The following BABAM2 variants were observed in gnomAD, a reference collection of about 807,000 sequenced individuals.
BABAM2 encodes BRISC and BRCA1-A complex member 2.
BABAM2 carries 31 observed loss-of-function variants against 54.7 expected under a neutral mutation model. The observed-to-expected ratio is 0.57, with a 90% CI of 0.43 to 0.77. The LOEUF is 0.77. Ranked by LOEUF, BABAM2 falls within the 30% of genes least tolerant of loss-of-function variation. The pLI, the probability that BABAM2 is intolerant of heterozygous loss-of-function variation, is 0.00. For missense variants in BABAM2, 364 were observed against 455.8 expected (o/e 0.80, Z 1.83); for synonymous variants, 167 against 162.9 (o/e 1.03, Z -0.19).
rs1421490539 is a variant in BABAM2 at position 28,139,985 on chromosome 2, A to AAAACAGAGTTTATTACTTTTCCTTGTAAT, written c.680+10629_680+10657dup. 1.0e-3 allele frequency among the ~76,000 whole-genome samples: 159 copies of AAAACAGAGTTTATTACTTTTCCTTGTAAT among 152,028 alleles called. 2 individuals are homozygous for AAAACAGAGTTTATTACTTTTCCTTGTAAT. The highest frequency in any genetic ancestry group is 9.7e-3 in the East Asian group (50 of 5,166). ...ATCTGATCTATCATTCTCTTGCTTAAAAACAGAGTTTATTACTTTTCCTTG... is the reference window on the plus strand; with the variant it reads ...ATCTGATCTATCATTCTCTTGCTTAAAAACAGAGTTTATTACTTTTCCTTGTAATAAACAGAGTTTATTACTTTTCCTTG... On this transcript the variant is annotated intron_variant, in intron 7 of 11. Coordinates refer to ENST00000379624, the MANE Select transcript of BABAM2 (RefSeq NM_199191.3).
At chr2:28,002,522 A>T (rs1673647803) in intron 4 of BABAM2, among the ~76,000 whole-genome samples, 1 of 152,194 alleles carries the variant, frequency 6.6e-6, no homozygotes, top group South Asian at 2.1e-4. Context: ...AGCTAAATAT[A>T]TTCAGTATAT....
In BABAM2 at chr2:28,221,684, T is replaced by C. The variant is rs1680436323; in HGVS notation, c.681-15518T>C. Among the ~76,000 whole-genome samples the C allele has an allele frequency of 2.6e-5, 4 of 152,332 alleles. No individual in the cohort carries two copies. In the South Asian group the frequency reaches 6.2e-4, roughly 24 times the overall value. ...ATGTGTTCAGCTCCCCTGTTGTTGA[T>C]TGAAATTTGTCGTTTACATTTGTGA... On this transcript the variant is annotated intron_variant, in intron 7 of 11. Transcript: ENST00000379624.
chr2:27,984,490 G>T (rs1036974138), intron 3 of BABAM2, among the ~76,000 whole-genome samples: 2 of 152,026 alleles, frequency 1.3e-5, no homozygotes, highest in African/African-American at 4.8e-5. Flanking sequence ...TGATGATAGT[G>T]GCTAGGGTGA....
At chr2:28,324,996 CT>C (rs532166189) in intron 11 of BABAM2, among the ~76,000 whole-genome samples, 13 of 148,626 alleles carry the variant, frequency 8.7e-5, no homozygotes, top group East Asian at 2.0e-4. Context: ...GGCTTCCAGA[CT>C]TTTTTTTTTA....
intron 11 of BABAM2, among the ~76,000 whole-genome samples, chr2:28,317,792 T>C (rs1419928941): frequency 6.6e-6 from 1 of 152,226 alleles, no homozygotes; most frequent in Non-Finnish European, 1.5e-5. Flanking sequence ...CAAGTGCCAG[T>C]GGCTTTCCAG....
At chr2:28,153,102 C>T (rs1672208225) in intron 7 of BABAM2, among the ~76,000 whole-genome samples, 1 of 151,374 alleles carries the variant, frequency 6.6e-6, no homozygotes, top group Non-Finnish European at 1.5e-5. Flanking sequence ...CACCTCATAG[C>T]ATTTCACTTG....
chr2:28,119,370 A>G (rs1005004930), intron 6 of BABAM2, among the ~76,000 whole-genome samples: 1 of 152,178 alleles, frequency 6.6e-6, no homozygotes, highest in African/African-American at 2.4e-5. Context: ...GACCCTGGCT[A>G]TACTACAAAG....
At chr2:27,902,720 TTG>T (rs1236398562) in intron 2 of BABAM2, among the ~76,000 whole-genome samples, 1 of 152,222 alleles carries the variant, frequency 6.6e-6, no homozygotes, top group African/African-American at 2.4e-5. Flanking sequence ...AAAGCATTCT[TTG>T]TGTATTTTGG....
intron 6 of BABAM2, among the ~76,000 whole-genome samples, chr2:28,080,405 G>A (rs1665059372): frequency 6.6e-6 from 1 of 152,136 alleles, no homozygotes; most frequent in African/African-American, 2.4e-5. Flanking sequence ...AAAAGAGAAG[G>A]AGAGAGAGGT....
chr2:28,245,204 C>A (rs10865493), intron 10 of BABAM2, among the ~76,000 whole-genome samples: 127,105 of 152,006 alleles, frequency 0.84, 53,991 homozygotes, highest in East Asian at 1. Flanking sequence ...CACACACACA[C>A]AAAAAATTAT....
chr2:28,306,069 GT>G (rs1688492438), intron 11 of BABAM2, among the ~76,000 whole-genome samples: 1 of 151,986 alleles, frequency 6.6e-6, no homozygotes, highest in African/African-American at 2.4e-5. Context: ...TATTAATTCG[GT>G]TTTGGTCAGA....
intron 2 of BABAM2, among the ~76,000 whole-genome samples, chr2:27,904,465 G>A (rs1330905028): frequency 6.6e-6 from 1 of 152,082 alleles, no homozygotes; most frequent in Middle Eastern, 3.2e-3. Context: ...CAATAAAAAG[G>A]CCAGAATGCT....
At chr2:28,112,097 CTT>C (rs1491430970) in intron 6 of BABAM2, among the ~76,000 whole-genome samples, 6 of 8,050 alleles carry the variant, frequency 7.5e-4, no homozygotes, top group Non-Finnish European at 1.6e-3. Context: ...TTCTTTCTTT[CTT>C]TCTTTCTTTC....
chr2:27,988,706 C>T (rs901541518), intron 4 of BABAM2, among the ~76,000 whole-genome samples: 1 of 152,050 alleles, frequency 6.6e-6, no homozygotes, highest in Non-Finnish European at 1.5e-5. Flanking sequence ...AGTAAGCATA[C>T]GTACTTACTA....
chr2:28,241,883 T>C (rs1325590134), intron 9 of BABAM2, among the ~76,000 whole-genome samples: 7 of 104,192 alleles, frequency 6.7e-5, no homozygotes, highest in East Asian at 2.9e-4. Flanking sequence ...TTTTTTTTTT[T>C]CGGTACTCTT....
At chr2:27,928,024 A>G (rs1196860248) in intron 2 of BABAM2, among the ~76,000 whole-genome samples, 2 of 149,680 alleles carry the variant, frequency 1.3e-5, no homozygotes, top group Non-Finnish European at 3.0e-5. Context: ...TTTATTTTTT[A>G]TTTTTTGAGA....
At chr2:28,002,786 T>C (rs902630904) in intron 4 of BABAM2, among the ~76,000 whole-genome samples, 5 of 152,218 alleles carry the variant, frequency 3.3e-5, no homozygotes, top group African/African-American at 9.6e-5. Flanking sequence ...AACAACTGTT[T>C]AAAATCCTAT....
chr2:27,939,658 C>G (rs905505385), intron 3 of BABAM2, among the ~76,000 whole-genome samples: 7 of 152,168 alleles, frequency 4.6e-5, no homozygotes, highest in African/African-American at 1.7e-4. Flanking sequence ...GATTTGGAGT[C>G]TGAATCAATT....
In BABAM2 at chr2:28,298,902, T is replaced by C. The variant is rs143605061; in HGVS notation, c.1088+411T>C. Among the ~76,000 whole-genome samples, 3 of 152,336 alleles carry C rather than the reference T, an allele frequency of 2.0e-5. No homozygotes were observed. In the East Asian group the frequency reaches 5.8e-4, roughly 29 times the overall value. ...CTCTCTATTTAGAGTAGAGGATAAA[T>C]ACTAAATAGGAATTCGAGTTGTGGG... On this transcript the variant is annotated intron_variant, in intron 11 of 11. Coordinates refer to ENST00000379624, the MANE Select transcript of BABAM2 (RefSeq NM_199191.3).
Sources: allele counts gnomAD v4.1 joint callset (sites outside exome capture counted in the v4.1 genomes callset), GRCh38; gene constraint gnomAD v4.1.1; transcripts MANE v1.5; gene names NCBI Gene and HGNC (gene_info 2026-07-23, HGNC 2026-07-21).